Variants in MRTFA observed in about 807,000 individuals in gnomAD.
MRTFA encodes the protein myocardin-related transcription factor A.
A neutral mutation model predicts 83.5 loss-of-function variants in MRTFA; 20 were observed. The ratio of observed to expected loss-of-function variants is 0.24; its 90% CI spans 0.17 to 0.35. MRTFA has a LOEUF of 0.35. Among genes scored for constraint, MRTFA ranks in the 10% least tolerant of loss-of-function variants. The pLI, the probability that MRTFA is intolerant of heterozygous loss-of-function variation, is 1.00. For synonymous variants in MRTFA, 659 were observed against 541.2 expected (o/e 1.22, Z -3.02); for missense variants, 1,200 against 1,224.7 (o/e 0.98, Z 0.30).
intron 3 of MRTFA, among the ~76,000 whole-genome samples, chr22:40,464,467 C>T (rs2053779880): frequency 6.6e-6 from 1 of 151,188 alleles, no homozygotes; most frequent in South Asian, 2.1e-4. Context: ...TGAGATCATG[C>T]CACTGCACTC....
intron 4 of MRTFA, among the ~76,000 whole-genome samples, chr22:40,437,188 C>G (rs963649826): frequency 6.6e-6 from 1 of 152,154 alleles, no homozygotes; most frequent in African/African-American, 2.4e-5. Context: ...TTCCCCACTT[C>G]TTACATGGGC....
chr22:40,592,346 G>C (rs1276366622), intron 2 of MRTFA, among the ~76,000 whole-genome samples: 1 of 151,234 alleles, frequency 6.6e-6, no homozygotes, highest in Non-Finnish European at 1.5e-5. Flanking sequence ...TACTCCGGAG[G>C]CTGAGGCAGA....
intron 1 of MRTFA, among the ~76,000 whole-genome samples, chr22:40,610,459 C>T (rs998830425): frequency 4.6e-5 from 7 of 152,162 alleles, no homozygotes; most frequent in African/African-American, 1.7e-4. Context: ...AGCTCTCTTA[C>T]TGGACTCAGA....
chr22:40,630,091 T>C (rs2056626279), intron 1 of MRTFA, among the ~76,000 whole-genome samples: 1 of 151,978 alleles, frequency 6.6e-6, no homozygotes, highest in African/African-American at 2.4e-5. Flanking sequence ...GGCAGGCGGA[T>C]CACCTGAGGT....
chr22:40,502,419 G>C (rs2054506979), intron 3 of MRTFA, among the ~76,000 whole-genome samples: 3 of 125,552 alleles, frequency 2.4e-5, no homozygotes, highest in Non-Finnish European at 5.1e-5. Flanking sequence ...TCACATCCCA[G>C]ATGGGGCGGC....
intron 3 of MRTFA, among the ~76,000 whole-genome samples, chr22:40,549,585 G>A (rs1178802784): frequency 3.9e-5 from 6 of 152,154 alleles, no homozygotes; most frequent in African/African-American, 1.2e-4. Flanking sequence ...AGAAGCACAA[G>A]GTGGGGAAAG....
intron 3 of MRTFA, among the ~76,000 whole-genome samples, chr22:40,537,789 G>C (rs1316335653): frequency 2.2e-4 from 7 of 31,692 alleles, no homozygotes; most frequent in East Asian, 1.3e-3. Context: ...CCCCCCGCCT[G>C]GCCAGCCGCC....
rs545308940 is a variant in MRTFA at position 40,416,277 on chromosome 22, C to G, written c.2578+709G>C. Among the ~76,000 whole-genome samples the G allele has an allele frequency of 1.3e-5, 2 of 152,200 alleles. No individual in the cohort carries two copies. Among genetic ancestry groups the G allele is most frequent in the Non-Finnish European group, 2.9e-5 (2 of 68,012 alleles). On this transcript the variant is annotated intron_variant, in intron 14 of 14. Transcript: ENST00000355630. The surrounding 1 kb of genome is among the most constrained non-coding windows in gnomAD (Gnocchi z 4.2). ...CTCTCCAAATGGGGCTGATTCCAGC[C>G]GCTCCTCTGCCCGCCACTGCTGCCT...
At chr22:40,491,051 C>T (rs2147201973) in intron 3 of MRTFA, among the ~76,000 whole-genome samples, 1 of 152,170 alleles carries the variant, frequency 6.6e-6, no homozygotes, top group East Asian at 1.9e-4. Context: ...CAGTATAAGA[C>T]TATGAAAGAA....
chr22:40,515,971 ACTAC>A (rs2054750980), intron 3 of MRTFA, among the ~76,000 whole-genome samples: 3 of 152,166 alleles, frequency 2.0e-5, no homozygotes, highest in Non-Finnish European at 4.4e-5. Flanking sequence ...AAACATCCAA[ACTAC>A]CTACCTTAGT....
At chr22:40,546,132 ACCT>A (rs1476759621) in intron 3 of MRTFA, among the ~76,000 whole-genome samples, 1 of 152,122 alleles carries the variant, frequency 6.6e-6, no homozygotes, top group Non-Finnish European at 1.5e-5. Flanking sequence ...ATGAAAAAGC[ACCT>A]CCTCTAACTC....
At chr22:40,443,284 CTT>C (rs2053314378) in intron 4 of MRTFA, among the ~76,000 whole-genome samples, 3 of 151,734 alleles carry the variant, frequency 2.0e-5, no homozygotes, top group African/African-American at 7.3e-5. Context: ...ACAAAAAAAA[CTT>C]AATGTACTAC....
chr22:40,493,146 C>G (rs951645722), intron 3 of MRTFA, among the ~76,000 whole-genome samples: 1 of 152,152 alleles, frequency 6.6e-6, no homozygotes, highest in African/African-American at 2.4e-5. Flanking sequence ...AGGACAGCTA[C>G]ACTAACAGGC....
At chr22:40,588,553 A>G (rs933087533) in intron 2 of MRTFA, among the ~76,000 whole-genome samples, 1 of 152,130 alleles carries the variant, frequency 6.6e-6, no homozygotes, top group Non-Finnish European at 1.5e-5. Flanking sequence ...ATTGAGAACC[A>G]CTGAAAAATT....
intron 3 of MRTFA, among the ~76,000 whole-genome samples, chr22:40,539,788 C>T (rs2055256993): frequency 6.6e-6 from 1 of 152,140 alleles, no homozygotes; most frequent in African/African-American, 2.4e-5. Flanking sequence ...AGGCACGAGC[C>T]ACCGCGCCCA....
At chr22:40,589,563 G>T (rs1217593036) in intron 2 of MRTFA, among the ~76,000 whole-genome samples, 3 of 152,110 alleles carry the variant, frequency 2.0e-5, no homozygotes, top group Non-Finnish European at 2.9e-5. Context: ...AAGCAGGAAA[G>T]AACTTGTCTG....
chr22:40,411,065 ACCTTAG>A lies in MRTFA; in HGVS notation c.*319_*324del, dbSNP rs1341139160. On this transcript the variant is annotated 3_prime_UTR_variant, in exon 15 of 15. Transcript: ENST00000355630. ...CCTCCCGCCTGGCCAGGCTTCACCT[ACCTTAG>A]CCAAATTGTAGCCAGACAGACAGTG... The A allele has an allele frequency of 3.6e-6, 1 of 278,982 alleles. No individual in the cohort carries two copies. The highest frequency in any genetic ancestry group is 6.7e-6 in the Non-Finnish European group (1 of 148,992). 17.3% of individuals were successfully genotyped at this position (278,982 alleles called of 1,614,324 possible). A position where few individuals can be genotyped will look rare whatever the true frequency, so the allele number is the denominator to read the frequency against.
chr22:40,499,509 T>C (rs1021282522), intron 3 of MRTFA, among the ~76,000 whole-genome samples: 17 of 152,184 alleles, frequency 1.1e-4, no homozygotes, highest in East Asian at 9.6e-4. Context: ...TAATTATGCC[T>C]TCCAAGAGAA....
intron 3 of MRTFA, among the ~76,000 whole-genome samples, chr22:40,531,811 C>T (rs916727645): frequency 6.6e-6 from 1 of 152,188 alleles, no homozygotes; most frequent in African/African-American, 2.4e-5. Flanking sequence ...TACAATCCAG[C>T]TAATGGCTAC....
Sources: gnomAD v4.1 joint callset for allele counts (sites outside exome capture counted in the v4.1 genomes callset) on GRCh38, gnomAD v4.1.1 for gene constraint, Gnocchi (gnomAD v3.1) non-coding constraint, MANE v1.5 for transcripts, NCBI Gene and HGNC (gene_info 2026-07-23, HGNC 2026-07-21) for gene names.